STXBP5: variants seen among roughly 807,000 people sequenced by gnomAD.
STXBP5 encodes the protein syntaxin-binding protein 5.
Under a neutral mutation model 152.4 loss-of-function variants are expected in STXBP5, and 50 were observed. The observed-to-expected ratio is 0.33, with a 90% CI of 0.26 to 0.42. The LOEUF is 0.42. STXBP5 is among the 10% of genes least tolerant of loss of function. The pLI is 1.00. For missense variants in STXBP5, 1,167 were observed against 1,388.6 expected (o/e 0.84, Z 2.54); for synonymous variants, 492 against 494.7 (o/e 0.99, Z 0.07).
At chr6:147,360,368 T>C (rs1396183323) in intron 23 of STXBP5, among the ~76,000 whole-genome samples, 1 of 152,192 alleles carries the variant, frequency 6.6e-6, no homozygotes, top group Non-Finnish European at 1.5e-5. Context: ...AGCGGCACTA[T>C]TCACAATAGC....
chr6:147,385,130 C>A lies in STXBP5; in HGVS notation c.*375C>A, dbSNP rs1041800362. 1 of 223,726 alleles carries A rather than the reference C, an allele frequency of 4.5e-6. No homozygotes were observed. Among genetic ancestry groups the A allele is most frequent in the South Asian group, 7.9e-5 (1 of 12,676 alleles). The allele number at this position is 223,726 out of a possible 1,614,324, so 13.9% of individuals were successfully genotyped here. A position where few individuals can be genotyped will look rare whatever the true frequency, so the allele number is the denominator to read the frequency against. On this transcript the variant is annotated 3_prime_UTR_variant, in exon 28 of 28. Coordinates refer to ENST00000321680, the MANE Select transcript of STXBP5 (RefSeq NM_001127715.4). ...CGTTTTATCTGCCATCAGTGTTTGACCTGTTTAGGGCAGAGGCAATAAGTC... is the reference window on the plus strand; with the variant it reads ...CGTTTTATCTGCCATCAGTGTTTGAACTGTTTAGGGCAGAGGCAATAAGTC...
chr6:147,378,206 T>C (rs539231552), intron 26 of STXBP5, among the ~76,000 whole-genome samples: 55 of 152,100 alleles, frequency 3.6e-4, no homozygotes, highest in African/African-American at 1.3e-3. Context: ...AAACAATAGG[T>C]ACACTCATCA....
chr6:147,358,139 A>T (rs2128410812), intron 22 of STXBP5, among the ~76,000 whole-genome samples: 1 of 152,316 alleles, frequency 6.6e-6, no homozygotes, highest in Admixed American at 6.5e-5. Context: ...GATTGCAGTT[A>T]AAATGGCATT....
At chr6:147,208,551 G>A (rs1405363944) in intron 2 of STXBP5, among the ~76,000 whole-genome samples, 2 of 152,010 alleles carry the variant, frequency 1.3e-5, no homozygotes, top group South Asian at 2.1e-4. Context: ...GGTTTCTTTT[G>A]ATCCTTTATT....
At chr6:147,340,207 A>G (rs1253082281) in intron 21 of STXBP5, among the ~76,000 whole-genome samples, 1 of 152,078 alleles carries the variant, frequency 6.6e-6, no homozygotes, top group Non-Finnish European at 1.5e-5. Flanking sequence ...AGGAATTTCT[A>G]GGCAGATGGA....
intron 27 of STXBP5, 41 bp from the exon 28 acceptor site, chr6:147,384,673 G>A (rs764106921): frequency 4.0e-5 from 63 of 1,574,758 alleles, no homozygotes; most frequent in South Asian, 7.9e-5. Context: ...TTATTGTTCC[G>A]GCATTTTAAA....
At chr6:147,208,403 A>G (rs901372084) in intron 2 of STXBP5, among the ~76,000 whole-genome samples, 14 of 152,208 alleles carry the variant, frequency 9.2e-5, no homozygotes, top group Admixed American at 7.8e-4. Context: ...GCTTTCAGGT[A>G]TATGTTAGTG....
intron 9 of STXBP5, among the ~76,000 whole-genome samples, chr6:147,304,727 CCCACCT>C (rs780911708): frequency 1.3e-5 from 2 of 152,162 alleles, no homozygotes; most frequent in Non-Finnish European, 1.5e-5. Context: ...ACCATGGGAA[CCCACCT>C]CTTGCATCAG....
chr6:147,317,921 G>A (rs1050696231), intron 16 of STXBP5, among the ~76,000 whole-genome samples: 2 of 151,846 alleles, frequency 1.3e-5, no homozygotes, highest in African/African-American at 2.4e-5. Flanking sequence ...TATGACATAC[G>A]TAGTACAATT....
rs1288345919 is a variant in STXBP5 at position 147,291,204 on chromosome 6, GTA to G, written c.917+37_917+38del. The G allele has an allele frequency of 2.6e-6, 4 of 1,559,106 alleles. No homozygotes were observed. In the South Asian group the frequency reaches 4.6e-5, roughly 18 times the overall value. ...TTTTACTTCATTGCCAATGTTCATTGTATATAAGTCCTCAAATAGCATGGAAG... is the reference window on the plus strand; with the variant it reads ...TTTTACTTCATTGCCAATGTTCATTGTATAAGTCCTCAAATAGCATGGAAG... On this transcript the variant is annotated intron_variant, in intron 9 of 27. Transcript: ENST00000321680.
At chr6:147,292,287 G>C (rs759659540) in intron 9 of STXBP5, 1 of 449,560 alleles carries the variant, frequency 2.2e-6, no homozygotes. Flanking sequence ...TCCAACAATA[G>C]CTATATTCCA....
At chr6:147,237,720 G>T (rs1332689686) in intron 3 of STXBP5, among the ~76,000 whole-genome samples, 1 of 152,160 alleles carries the variant, frequency 6.6e-6, no homozygotes, top group Non-Finnish European at 1.5e-5. Context: ...TTTTGAAGGT[G>T]GAAAGGAGTT....
In STXBP5 at chr6:147,310,153, G is replaced by A. The variant is rs777486587; in HGVS notation, c.987G>A (p.Val329=). The A allele has an allele frequency of 1.2e-6, 2 of 1,605,726 alleles. No homozygotes were observed. Among genetic ancestry groups the A allele is most frequent in the Non-Finnish European group, 1.7e-6 (2 of 1,177,578 alleles). ...DTVGRRPCLT[V]MHGKSTAVLE... ...TAGGAAGAAGACCTTGCTTAACAGT[G>A]ATGCATGGGAAAAGCACTGCTGTGC... Residue 329 remains valine, a synonymous_variant, in exon 10 of 28, where the codon GTG becomes GTA. Coordinates refer to ENST00000321680, the MANE Select transcript of STXBP5 (RefSeq NM_001127715.4).
At chr6:147,277,487 A>G (rs186646960) in intron 7 of STXBP5, among the ~76,000 whole-genome samples, 13 of 152,244 alleles carry the variant, frequency 8.5e-5, no homozygotes, top group Admixed American at 7.8e-4. Context: ...TTGGTGATAT[A>G]AAAATATTTT....
chr6:147,235,209 C>T, intron 2 of STXBP5, 41 bp from the exon 3 acceptor site: 1 of 1,580,118 alleles, frequency 6.3e-7, no homozygotes, highest in Non-Finnish European at 8.7e-7. Context: ...TTTCTCAAAA[C>T]CGAACAAATA....
At chr6:147,224,307 T>C (rs1408400670) in intron 2 of STXBP5, among the ~76,000 whole-genome samples, 1 of 152,128 alleles carries the variant, frequency 6.6e-6, no homozygotes, top group Non-Finnish European at 1.5e-5. Flanking sequence ...ATGCCTGTAA[T>C]CCCAGCTACT....
intron 22 of STXBP5, among the ~76,000 whole-genome samples, chr6:147,357,072 A>G (rs981503561): frequency 8.5e-5 from 13 of 152,162 alleles, no homozygotes; most frequent in African/African-American, 2.4e-4. Context: ...CTTGCTTTCA[A>G]GATACTTGCA....
At chr6:147,263,785 T>C (rs1283856611) in intron 6 of STXBP5, among the ~76,000 whole-genome samples, 1 of 152,078 alleles carries the variant, frequency 6.6e-6, no homozygotes, top group Non-Finnish European at 1.5e-5. Context: ...TTTTTGTTTG[T>C]GATTTCTTCC....
chr6:147,238,273 G>T (rs1375198113), intron 3 of STXBP5, among the ~76,000 whole-genome samples: 7 of 152,172 alleles, frequency 4.6e-5, no homozygotes, highest in Non-Finnish European at 1.0e-4. Context: ...AGAAAGGGAA[G>T]CTGGTGCATG....
Sources: allele counts gnomAD v4.1 joint callset (sites outside exome capture counted in the v4.1 genomes callset), GRCh38; gene constraint gnomAD v4.1.1; transcripts MANE v1.5; gene names NCBI Gene and HGNC (gene_info 2026-07-23, HGNC 2026-07-21).